VAV2: variants seen among roughly 807,000 people sequenced by gnomAD.
VAV2 encodes vav guanine nucleotide exchange factor 2, also known as guanine nucleotide exchange factor VAV2.
A neutral mutation model predicts 132.5 loss-of-function variants in VAV2; 67 were observed. That is an observed-to-expected ratio of 0.51 (90% CI 0.42 to 0.62). VAV2 has a LOEUF of 0.62. Among genes scored for constraint, VAV2 ranks in the 20% least tolerant of loss-of-function variants. The pLI is 0.00. For synonymous variants in VAV2, 492 were observed against 443.5 expected, an observed-to-expected ratio of 1.11 and a Z score of -1.37; for missense variants, 938 against 1,153.6, an observed-to-expected ratio of 0.81 and a Z score of 2.71.
intron 3 of VAV2, among the ~76,000 whole-genome samples, chr9:133,859,420 C>T (rs977053522): frequency 5.3e-5 from 8 of 152,170 alleles, no homozygotes; most frequent in African/African-American, 1.9e-4. Flanking sequence ...GGCAGGACCA[C>T]GCCAATGCCA....
At chr9:133,821,771 G>C (rs999934849) in intron 4 of VAV2, among the ~76,000 whole-genome samples, 1 of 152,216 alleles carries the variant, frequency 6.6e-6, no homozygotes, top group Non-Finnish European at 1.5e-5. Context: ...CCATGAGGAG[G>C]CCCGAGATGG....
chr9:133,871,228 G>C (rs1157312505), intron 2 of VAV2, among the ~76,000 whole-genome samples: 1 of 147,734 alleles, frequency 6.8e-6, no homozygotes, highest in Non-Finnish European at 1.5e-5. Flanking sequence ...GGGTACGTAG[G>C]TGGGTGGGCA....
intron 21 of VAV2, among the ~76,000 whole-genome samples, chr9:133,779,679 G>A (rs1833937415): frequency 6.6e-6 from 1 of 152,188 alleles, no homozygotes; most frequent in African/African-American, 2.4e-5. Flanking sequence ...TTGCTCCTCT[G>A]CAGGCTGGGT....
intron 16 of VAV2, 120 bp from the exon 17 acceptor site, chr9:133,786,005 T>C: frequency 3.0e-5 from 5 of 164,162 alleles, no homozygotes; most frequent in Non-Finnish European, 5.3e-5. Flanking sequence ...TGTGCACAGG[T>C]GCCTGTGCCT....
intron 1 of VAV2, among the ~76,000 whole-genome samples, chr9:133,972,911 T>C (rs1842386952): frequency 1.3e-5 from 2 of 152,136 alleles, no homozygotes; most frequent in South Asian, 4.1e-4. Context: ...GCTACTCCCA[T>C]GATGAGGGGT....
chr9:133,789,085 G>A (rs562316982), intron 14 of VAV2, among the ~76,000 whole-genome samples, 173 bp downstream of exon 14: 1 of 152,340 alleles, frequency 6.6e-6, no homozygotes, highest in South Asian at 2.1e-4. Flanking sequence ...TGTGGCGCCC[G>A]CTCGCTGACG....
In VAV2 at chr9:133,884,310, C is replaced by T. The variant is rs567118794; in HGVS notation, c.322-22878G>A. On this transcript the variant is annotated intron_variant, in intron 2 of 29. Coordinates refer to ENST00000371850, the MANE Select transcript of VAV2 (RefSeq NM_001134398.2). The surrounding 1 kb of genome is among the most constrained non-coding windows in gnomAD (Gnocchi z 5.3). ...GTGATCATTACCCACCACCACCACG[C>T]GTCCTGCCTCCCAGCTGGACCCCAG... Among the ~76,000 whole-genome samples the T allele has an allele frequency of 2.0e-4, 30 of 152,340 alleles. No homozygotes were observed. The highest frequency in any genetic ancestry group is 6.5e-4 in the African/African-American group (27 of 41,572).
chr9:133,970,952 G>C (rs1423781815), intron 1 of VAV2, among the ~76,000 whole-genome samples: 1 of 152,186 alleles, frequency 6.6e-6, no homozygotes, highest in Non-Finnish European at 1.5e-5. Flanking sequence ...TTTCTCCCAA[G>C]GTTCATTTGC....
chr9:133,821,498 C>T (rs1169870413), intron 4 of VAV2, among the ~76,000 whole-genome samples: 1 of 152,128 alleles, frequency 6.6e-6, no homozygotes, highest in African/African-American at 2.4e-5. Flanking sequence ...TGTACAAGAC[C>T]AGTAGAGGCT....
intron 2 of VAV2, among the ~76,000 whole-genome samples, chr9:133,886,122 G>C (rs1203078490): frequency 2.0e-5 from 3 of 152,190 alleles, no homozygotes; most frequent in Non-Finnish European, 4.4e-5. Context: ...GAAGGGGCTG[G>C]AGCAGGCGGG....
intron 2 of VAV2, among the ~76,000 whole-genome samples, chr9:133,898,351 G>A (rs1763953714): frequency 1.3e-5 from 2 of 152,124 alleles, no homozygotes; most frequent in South Asian, 4.1e-4. Flanking sequence ...CACTTTGGGA[G>A]GCTGAGGTGG....
At chr9:133,770,565 T>C (rs910542985) in intron 26 of VAV2, 64 bp from the exon 27 acceptor site, 84 of 1,594,726 alleles carry the variant, frequency 5.3e-5, no homozygotes, top group Non-Finnish European at 6.3e-5. Flanking sequence ...CCCAGTGACC[T>C]GGCCTCCCTC....
At chr9:133,948,639 C>T (rs1005350909) in intron 1 of VAV2, among the ~76,000 whole-genome samples, 3 of 152,198 alleles carry the variant, frequency 2.0e-5, no homozygotes, top group Admixed American at 6.5e-5. Flanking sequence ...CAGCGTGTCT[C>T]GTTTCACTAT....
At chr9:133,782,227 T>G (rs1164684073) in intron 19 of VAV2, among the ~76,000 whole-genome samples, 1 of 152,200 alleles carries the variant, frequency 6.6e-6, no homozygotes, top group Non-Finnish European at 1.5e-5. Flanking sequence ...AAATTTCATT[T>G]CTTTTTTTTT....
chr9:133,920,431 G>A (rs1564466747), intron 2 of VAV2, among the ~76,000 whole-genome samples: 1 of 152,212 alleles, frequency 6.6e-6, no homozygotes, highest in African/African-American at 2.4e-5. Flanking sequence ...TGCTGGGCTG[G>A]CCCAGAACCA....
chr9:133,789,153 C>G (rs1350021933), intron 14 of VAV2, 105 bp downstream of exon 14: 1 of 1,248,128 alleles, frequency 8.0e-7, no homozygotes, highest in African/African-American at 1.5e-5. Flanking sequence ...GCAGCTCTTT[C>G]CACAGGAAGG....
rs563582180 is a variant in VAV2 at position 133,857,883 on chromosome 9, G to A, written c.380+3491C>T. The stretch of plus-strand genomic sequence containing the variant: ...GGGGCTCAGAGGAGGGAGGGTGGAG[G>A]AGAAGGGCAGGAAAGCCAGGCCCCG... On this transcript the variant is annotated intron_variant, in intron 3 of 29. Coordinates refer to ENST00000371850, the MANE Select transcript of VAV2 (RefSeq NM_001134398.2). The surrounding 1 kb of genome is among the most constrained non-coding windows in gnomAD (Gnocchi z 4.0). Among the ~76,000 whole-genome samples the A allele has an allele frequency of 1.3e-5, 2 of 152,350 alleles. No homozygotes were observed. Among genetic ancestry groups the A allele is most frequent in the South Asian group, 2.1e-4 (1 of 4,830 alleles).
At chr9:133,844,100 G>A (rs548913397) in intron 3 of VAV2, among the ~76,000 whole-genome samples, 2 of 152,326 alleles carry the variant, frequency 1.3e-5, no homozygotes, top group South Asian at 4.1e-4. Context: ...GGAAGACACG[G>A]ATCTCACAGG....
At chr9:133,861,198 GCCCCCCA>G in intron 3 of VAV2, 169 bp downstream of exon 3, 1 of 459,214 alleles carries the variant, frequency 2.2e-6, no homozygotes, top group Non-Finnish European at 3.7e-6. Flanking sequence ...GAAGCCTCCC[GCCCCCCA>G]CACCCCTTCC....
Sources: allele counts gnomAD v4.1 joint callset (sites outside exome capture counted in the v4.1 genomes callset), GRCh38; gene constraint gnomAD v4.1.1; non-coding constraint Gnocchi (gnomAD v3.1); transcripts MANE v1.5; gene names NCBI Gene and HGNC (gene_info 2026-07-23, HGNC 2026-07-21).